The following CTR9 variants were observed in gnomAD, a reference collection of about 807,000 sequenced individuals.
CTR9 encodes RNA polymerase-associated protein CTR9 homolog.
Under a neutral mutation model 152.1 loss-of-function variants are expected in CTR9, and 41 were observed. That is an observed-to-expected ratio of 0.27 (90% CI 0.21 to 0.35). The LOEUF (loss-of-function observed/expected upper bound fraction) is 0.35, where lower values mean the gene tolerates loss of function less well. CTR9 is among the 10% of genes least tolerant of loss of function. The pLI is 1.00. For synonymous variants in CTR9, 476 were observed against 496.2 expected (o/e 0.96, Z 0.54); for missense variants, 917 against 1,424.4 (o/e 0.64, Z 5.73).
intron 9 of CTR9, 54 bp from the exon 10 acceptor site, chr11:10,764,058 A>G (rs1863019696): frequency 3.2e-6 from 5 of 1,569,994 alleles, no homozygotes; most frequent in Non-Finnish European, 4.4e-6. Context: ...CCCACTTTTT[A>G]TTTTGACAAC....
intron 6 of CTR9, among the ~76,000 whole-genome samples, chr11:10,761,376 T>G (rs61872855): frequency 6.6e-6 from 1 of 152,252 alleles, no homozygotes; most frequent in East Asian, 1.9e-4. Context: ...TAGCAGGATG[T>G]TACCAACCCA....
intron 1 of CTR9, among the ~76,000 whole-genome samples, chr11:10,752,333 A>G (rs1425863260): frequency 6.6e-6 from 1 of 152,172 alleles, no homozygotes; most frequent in African/African-American, 2.4e-5. Flanking sequence ...CTATGGCATA[A>G]TAGTCTCTAG....
rs1863080285 is a variant in CTR9, at chr11:10,767,651, T to G, written c.1687-155T>G. On this transcript the variant is annotated intron_variant, in intron 13 of 24. Transcript: ENST00000361367. The surrounding 1 kb of genome is among the most constrained non-coding windows in gnomAD (Gnocchi z 4.0). ...CATTAGTAGTTCGATAAATTTGGAT[T>G]GCCATGCAAAAAAAAAAAGAAAGAA... The G allele has an allele frequency of 1.4e-6, 1 of 690,216 alleles. No individual in the cohort carries two copies. Among genetic ancestry groups the G allele is most frequent in the African/African-American group, 1.8e-5 (1 of 55,162 alleles). The allele number at this position is 690,216 out of a possible 1,614,324, so 42.8% of individuals were successfully genotyped here. A position where few individuals can be genotyped will look rare whatever the true frequency, so the allele number is the denominator to read the frequency against.
intron 23 of CTR9, 94 bp from the exon 24 acceptor site, chr11:10,775,427 G>T: frequency 7.3e-7 from 1 of 1,362,190 alleles, no homozygotes; most frequent in Non-Finnish European, 1.0e-6. Flanking sequence ...TTCATCAGTG[G>T]CTGTTTGATT....
intron 19 of CTR9, 75 bp from the exon 20 acceptor site, chr11:10,772,445 A>T: frequency 8.1e-7 from 1 of 1,238,350 alleles, no homozygotes; most frequent in Non-Finnish European, 1.1e-6. Flanking sequence ...TTTAATTTGT[A>T]TAAGGAAAAT....
At chr11:10,753,840 G>C (rs1006347847) in intron 2 of CTR9, among the ~76,000 whole-genome samples, 1 of 152,138 alleles carries the variant, frequency 6.6e-6, no homozygotes, top group Non-Finnish European at 1.5e-5. Context: ...AAGAATGTAG[G>C]CTTTGGGGTT....
chr11:10,776,295 A>T (rs1366882222), intron 24 of CTR9, among the ~76,000 whole-genome samples: 1 of 151,974 alleles, frequency 6.6e-6, no homozygotes, highest in Non-Finnish European at 1.5e-5. Context: ...GTGTTGAGAG[A>T]GGCTATTTCT....
Position 10,756,962 on chromosome 11 carries a change from GT to G in CTR9, c.592+134del, listed in dbSNP as rs113272010. 1.7e-3 allele frequency: 1,087 copies of G among 653,102 alleles called. 1 individual carries two copies. The highest frequency in any genetic ancestry group is 2.3e-3 in the East Asian group (75 of 32,058). 40.5% of individuals were successfully genotyped at this position (653,102 alleles called of 1,614,324 possible). A position where few individuals can be genotyped will look rare whatever the true frequency, so the allele number is the denominator to read the frequency against. On this transcript the variant is annotated intron_variant, in intron 5 of 24. Coordinates refer to ENST00000361367, the MANE Select transcript of CTR9 (RefSeq NM_014633.5). ...TGGATTATAGAAATGTCAGAATCAA[GT>G]TTTTTTTTTGATGCTATGTTTGAGT...
intron 7 of CTR9, among the ~76,000 whole-genome samples, chr11:10,762,837 C>G (rs1301869252): frequency 3.3e-5 from 5 of 151,832 alleles, no homozygotes; most frequent in African/African-American, 9.7e-5. Flanking sequence ...GACCTCATCT[C>G]TACAGAAATT....
At position 10,775,504 on chromosome 11, in the gene CTR9, T is replaced by C. The variant is rs750373684; in HGVS notation, c.2983-17T>C. Reference sequence around the variant, plus strand: ...TGTAAGAGTCTTGACTAATCTATTATGTTTGACATTCTTTAGCCCAAGCCA... The same window carrying C: ...TGTAAGAGTCTTGACTAATCTATTACGTTTGACATTCTTTAGCCCAAGCCA... On this transcript the variant is annotated splice_polypyrimidine_tract_variant and intron_variant, in intron 23 of 24. Coordinates refer to ENST00000361367, the MANE Select transcript of CTR9 (RefSeq NM_014633.5). The C allele has an allele frequency of 4.4e-6, 7 of 1,594,382 alleles. No individual in the cohort carries two copies. The Middle Eastern group carries it at 6.7e-4, about 152-fold the overall frequency.
At chr11:10,761,043 G>A (rs1862968011) in intron 6 of CTR9, among the ~76,000 whole-genome samples, 1 of 152,210 alleles carries the variant, frequency 6.6e-6, no homozygotes. Context: ...CCAAAACAGG[G>A]ATACCTGGGT....
intron 3 of CTR9, 65 bp downstream of exon 3, chr11:10,755,262 T>G: frequency 6.6e-7 from 1 of 1,524,220 alleles, no homozygotes. Flanking sequence ...GCAAAATGTG[T>G]GTGATAGCAG....
chr11:10,757,069 G>C (rs1043667027), intron 5 of CTR9, among the ~76,000 whole-genome samples: 19 of 152,130 alleles, frequency 1.2e-4, no homozygotes, highest in Admixed American at 4.6e-4. Context: ...AGGACTACTT[G>C]AGCCCAGGAG....
chr11:10,756,031 A>ATTAT, intron 4 of CTR9, among the ~76,000 whole-genome samples: 1 of 152,304 alleles, frequency 6.6e-6, no homozygotes, highest in South Asian at 2.1e-4. Context: ...GCACTTTGAG[A>ATTAT]CCCTGTCTCG....
At chr11:10,774,575 A>G (rs1446171024) in intron 22 of CTR9, among the ~76,000 whole-genome samples, 1 of 152,212 alleles carries the variant, frequency 6.6e-6, no homozygotes, top group Non-Finnish European at 1.5e-5. Context: ...TGCTCAATGC[A>G]TAAGATGTGA....
chr11:10,752,759 A>T lies in CTR9; in HGVS notation c.133A>T (p.Ile45Phe). 1 of 1,613,372 alleles carries T rather than the reference A, an allele frequency of 6.2e-7. No homozygotes were observed. The highest frequency in any genetic ancestry group is 8.5e-7 in the Non-Finnish European group (1 of 1,179,410). Residue 45 changes from isoleucine to phenylalanine, a missense_variant, in exon 2 of 25, where the codon ATT becomes TTT. Physicochemically the swap from Ile to Phe is conservative, Grantham distance 21. Coordinates refer to ENST00000361367, the MANE Select transcript of CTR9 (RefSeq NM_014633.5). ...GGAACACACACAACTGCACATATGG[A>T]TTGCTTTGGCGGTCAGTATTCATGT... ...KQEHTQLHIW[I>F]ALALEYYKQG...
At chr11:10,772,306 A>G (rs1246789357) in intron 19 of CTR9, among the ~76,000 whole-genome samples, 2 of 152,154 alleles carry the variant, frequency 1.3e-5, no homozygotes, top group East Asian at 1.9e-4. Context: ...GTGAGCCGAG[A>G]TGGCACCATT....
At chr11:10,776,989 A>G (rs1194959627) in intron 24 of CTR9, among the ~76,000 whole-genome samples, 1 of 151,520 alleles carries the variant, frequency 6.6e-6, no homozygotes, top group Non-Finnish European at 1.5e-5. Flanking sequence ...AAAAAAAAAA[A>G]AAAAAAAGCT....
rs530566132 is a variant in CTR9, at chr11:10,773,347, T to C, written c.2727+74T>C. 2.5e-5 allele frequency: 39 copies of C among 1,554,942 alleles called. No individual in the cohort carries two copies. The South Asian group carries it at 3.2e-4, about 13-fold the overall frequency. On this transcript the variant is annotated intron_variant, in intron 21 of 24. Transcript: ENST00000361367. ...GGCTTTGAGAAATGAGGATAATTGGTTAAATTCCTTCTGTACTTACTAGTT... is the reference window on the plus strand; with the variant it reads ...GGCTTTGAGAAATGAGGATAATTGGCTAAATTCCTTCTGTACTTACTAGTT...
Sources: gnomAD v4.1 joint callset for allele counts (sites outside exome capture counted in the v4.1 genomes callset) on GRCh38, gnomAD v4.1.1 for gene constraint, Gnocchi (gnomAD v3.1) non-coding constraint, MANE v1.5 for transcripts, NCBI Gene and HGNC (gene_info 2026-07-23, HGNC 2026-07-21) for gene names.